Variants in AMPD3 observed in about 807,000 individuals in gnomAD.
AMPD3 encodes AMP deaminase 3.
In AMPD3, 57 loss-of-function variants were observed where a neutral mutation model predicts 82.3. The ratio of observed to expected loss-of-function variants is 0.69; its 90% CI spans 0.56 to 0.86. The LOEUF (loss-of-function observed/expected upper bound fraction) is 0.86. Among genes scored for constraint, AMPD3 ranks in the 40% least tolerant of loss-of-function variants. The pLI is 0.00. For missense variants in AMPD3, 870 were observed against 1,003.8 expected (o/e 0.87, Z 1.80); for synonymous variants, 381 against 394.7 (o/e 0.97, Z 0.41).
intron 4 of AMPD3, 74 bp downstream of exon 4, chr11:10,482,299 C>G: frequency 6.5e-7 from 1 of 1,528,304 alleles, no homozygotes; most frequent in Non-Finnish European, 8.9e-7. Flanking sequence ...TTTTCTGGCT[C>G]GGTCTATTTC....
At chr11:10,466,620 C>T (rs1328205115) in intron 2 of AMPD3, among the ~76,000 whole-genome samples, 1 of 152,222 alleles carries the variant, frequency 6.6e-6, no homozygotes, top group Non-Finnish European at 1.5e-5. Context: ...ACAGCTTCAG[C>T]AGACATAAAT....
intron 6 of AMPD3, among the ~76,000 whole-genome samples, chr11:10,488,769 C>A (rs1345958025): frequency 6.6e-6 from 1 of 152,138 alleles, no homozygotes; most frequent in Non-Finnish European, 1.5e-5. Flanking sequence ...TCCACAGGAG[C>A]TCTGTCCCAG....
intron 2 of AMPD3, chr11:10,477,193 G>A: frequency 1.2e-6 from 1 of 819,288 alleles, no homozygotes; most frequent in Non-Finnish European, 1.5e-6. Context: ...GATTTCTTCA[G>A]GCCTGTAGGT....
intron 6 of AMPD3, among the ~76,000 whole-genome samples, chr11:10,488,006 C>T (rs1034931634): frequency 2.0e-5 from 3 of 151,320 alleles, no homozygotes; most frequent in Non-Finnish European, 2.9e-5. Flanking sequence ...AATTTAAATT[C>T]CCTGAAAAAA....
In AMPD3 at chr11:10,502,515, G is replaced by A. The variant is rs545827963; in HGVS notation, c.1843-206G>A. 3 of 985,476 alleles carry A rather than the reference G, an allele frequency of 3.0e-6. No homozygotes were observed. In the African/African-American group the frequency reaches 5.2e-5, roughly 17 times the overall value. The allele number at this position is 985,476 out of a possible 1,614,324, so 61.0% of individuals were successfully genotyped here. ...TAGAGGCACCAGGGAGGGCTGGCAT[G>A]CAATGTAGGAATGAGATGAACAGTG... On this transcript the variant is annotated intron_variant, in intron 12 of 14. Transcript: ENST00000396553.
upstream of AMPD3, among the ~76,000 whole-genome samples, chr11:10,453,057 C>T (rs183720150): frequency 2.0e-5 from 3 of 152,320 alleles, no homozygotes; most frequent in African/African-American, 7.2e-5. Context: ...TCAAGCGATT[C>T]TCCTGCCTCA....
chr11:10,500,994 G>A, intron 11 of AMPD3: 2 of 985,446 alleles, frequency 2.0e-6, no homozygotes, highest in Non-Finnish European at 2.4e-6. Context: ...GGCCTGGCAG[G>A]GTGGAGGCAG....
Position 10,488,196 on chromosome 11 carries a change from C to T in AMPD3, c.939+832C>T, listed in dbSNP as rs189125844. 1.7e-5 allele frequency: 17 copies of T among 985,382 alleles called. No individual in the cohort carries two copies. In the Admixed American group the frequency reaches 4.9e-4, roughly 28 times the overall value. 61.0% of individuals were successfully genotyped at this position (985,382 alleles called of 1,614,324 possible). A position where few individuals can be genotyped will look rare whatever the true frequency, so the allele number is the denominator to read the frequency against. ...GCAGGGGCCGCAACTGCGGTAGGAG[C>T]GAAGGTTAAATGATCATGGCCCTAG... On this transcript the variant is annotated intron_variant, in intron 6 of 14. Coordinates refer to ENST00000396553, the MANE Select transcript of AMPD3 (RefSeq NM_001025389.2).
chr11:10,456,134 G>A lies in AMPD3; in HGVS notation c.-6+686G>A. ...CACAGCCATTTTGTTTTGGATAACT[G>A]GGATTACCTGGGGACTTCAGGGCTC... On this transcript the variant is annotated intron_variant, in intron 1 of 14. Coordinates refer to ENST00000396553, the MANE Select transcript of AMPD3 (RefSeq NM_001025389.2). The surrounding 1 kb of genome is among the most constrained non-coding windows in gnomAD (Gnocchi z 4.3). 7.4e-7 allele frequency: 1 copy of A among 1,358,106 alleles called. No individual in the cohort carries two copies. The highest frequency in any genetic ancestry group is 1.5e-5 in the African/African-American group (1 of 68,326). The allele number at this position is 1,358,106 out of a possible 1,614,324, so 84.1% of individuals were successfully genotyped here.
At chr11:10,476,676 T>TGAGGTCAGAATGTGTTGGG (rs1419691655) in intron 2 of AMPD3, among the ~76,000 whole-genome samples, 1 of 152,194 alleles carries the variant, frequency 6.6e-6, no homozygotes, top group Non-Finnish European at 1.5e-5. Context: ...GCGTCCCAGC[T>TGAGGTCAGAATGTGTTGGG]GAGGTCAGAA....
At chr11:10,481,181 A>T (rs966307237) in intron 3 of AMPD3, among the ~76,000 whole-genome samples, 2 of 152,240 alleles carry the variant, frequency 1.3e-5, no homozygotes, top group Non-Finnish European at 2.9e-5. Flanking sequence ...GGTCTGGCAC[A>T]TAACACATGA....
chr11:10,489,817 A>T (rs1849189931), intron 6 of AMPD3, among the ~76,000 whole-genome samples: 1 of 151,774 alleles, frequency 6.6e-6, no homozygotes, highest in Non-Finnish European at 1.5e-5. Context: ...AGTAGCTGGG[A>T]TTATAGGTGC....
In AMPD3 at chr11:10,505,112, T is replaced by G. The variant is rs544925150; in HGVS notation, c.2127+453T>G. 1.6e-4 allele frequency: 162 copies of G among 985,242 alleles called. No homozygotes were observed. In the African/African-American group the frequency reaches 2.6e-3, roughly 16 times the overall value. The allele number at this position is 985,242 out of a possible 1,614,324, so 61.0% of individuals were successfully genotyped here. On this transcript the variant is annotated intron_variant, in intron 14 of 14. Transcript: ENST00000396553. ...TTGAATAGATGAACAGTATCTAGACTGAATAAAAATCTAGACTATGGGACT... is the reference window on the plus strand; with the variant it reads ...TTGAATAGATGAACAGTATCTAGACGGAATAAAAATCTAGACTATGGGACT...
intron 2 of AMPD3, among the ~76,000 whole-genome samples, chr11:10,469,213 T>C (rs1464179440): frequency 6.6e-6 from 1 of 151,776 alleles, no homozygotes; most frequent in African/African-American, 2.4e-5. Flanking sequence ...AGCTGTTTTT[T>C]TTTTGAAAAG....
At chr11:10,461,025 T>A (rs1246549279) in intron 1 of AMPD3, 1 of 1,130,532 alleles carries the variant, frequency 8.8e-7, no homozygotes, top group East Asian at 6.6e-5. Flanking sequence ...TAATGAAGAA[T>A]GCAGCTTTGG....
intron 4 of AMPD3, chr11:10,484,349 C>T (rs1849000642): frequency 1.2e-5 from 12 of 985,274 alleles, no homozygotes; most frequent in Non-Finnish European, 1.4e-5. Flanking sequence ...TATCTAGCCC[C>T]TCACCTGGCC....
rs779381507 is a variant in AMPD3, at chr11:10,455,445, G to A, written c.-9G>A. On this transcript the variant is annotated 5_prime_UTR_variant, in exon 1 of 15. Coordinates refer to ENST00000396553, the MANE Select transcript of AMPD3 (RefSeq NM_001025389.2). ...GGAGGCCCACGTGGGAGCAGTGAGC[G>A]GCTGTAAGCAGGGGAGGGTTTGGGG... The A allele has an allele frequency of 1.6e-5, 16 of 985,310 alleles. No individual in the cohort carries two copies. Among genetic ancestry groups the A allele is most frequent in the Non-Finnish European group, 1.9e-5 (16 of 829,978 alleles). 61.0% of individuals were successfully genotyped at this position (985,310 alleles called of 1,614,324 possible). A position where few individuals can be genotyped will look rare whatever the true frequency, so the allele number is the denominator to read the frequency against.
chr11:10,503,992 A>G, intron 13 of AMPD3: 1 of 985,438 alleles, frequency 1.0e-6, no homozygotes, highest in Non-Finnish European at 1.2e-6. Flanking sequence ...TTCACATCCC[A>G]GAAGGGAAGC....
At position 10,478,606 on chromosome 11, in the gene AMPD3, C is replaced by A. The variant is rs1379405261; in HGVS notation, c.302C>A (p.Ala101Glu). 3 of 1,614,232 alleles carry A rather than the reference C, an allele frequency of 1.9e-6. No individual in the cohort carries two copies. In the East Asian group the frequency reaches 6.7e-5, roughly 36 times the overall value. Residue 101 changes from alanine to glutamate, a missense_variant, in exon 3 of 15, where the codon GCA (alanine) becomes GAA (glutamate). By Grantham distance (107) the Ala-to-Glu change is moderately radical (BLOSUM62 -1). Transcript: ENST00000396553. ...PPQQDWKGPPAASPAMSPTTP... is the reference protein window; with the variant it reads ...PPQQDWKGPPEASPAMSPTTP... ...CAGCAAGATTGGAAGGGCCCCCCGG[C>A]AGCCAGTCCGGCCATGTCTCCCACA...
Sources: gnomAD v4.1 joint callset for allele counts (sites outside exome capture counted in the v4.1 genomes callset) on GRCh38, gnomAD v4.1.1 for gene constraint, Gnocchi (gnomAD v3.1) non-coding constraint, MANE v1.5 for transcripts, NCBI Gene and HGNC (gene_info 2026-07-23, HGNC 2026-07-21) for gene names.